TMEM65: variants seen among roughly 807,000 people sequenced by gnomAD.
TMEM65 encodes the protein transmembrane protein 65.
A neutral mutation model predicts 25.4 loss-of-function variants in TMEM65; 22 were observed. The ratio of observed to expected loss-of-function variants is 0.86; its 90% CI spans 0.62 to 1.23. The LOEUF (loss-of-function observed/expected upper bound fraction) is 1.23, where lower values mean the gene tolerates loss of function less well. Ranked by LOEUF, TMEM65 falls within the 50% of genes most tolerant of loss-of-function variation. The pLI is 0.00. For synonymous variants in TMEM65, 132 were observed against 126.2 expected (o/e 1.05, Z -0.31); for missense variants, 262 against 308.2 (o/e 0.85, Z 1.12).
At chr8:124,355,358 C>T (rs1264734347) in intron 1 of TMEM65, among the ~76,000 whole-genome samples, 1 of 152,110 alleles carries the variant, frequency 6.6e-6, no homozygotes, top group Non-Finnish European at 1.5e-5. Flanking sequence ...ATCACATTTG[C>T]CTATTTTCTT....
chr8:124,359,794 A>C (rs1814836857), intron 1 of TMEM65, among the ~76,000 whole-genome samples: 1 of 152,148 alleles, frequency 6.6e-6, no homozygotes, highest in South Asian at 2.1e-4. Flanking sequence ...TTAAACAACT[A>C]ATTGATAACG....
At chr8:124,371,708 C>G (rs1235385828) in intron 1 of TMEM65, 146 bp downstream of exon 1, 75 of 788,266 alleles carry the variant, frequency 9.5e-5, no homozygotes, top group Non-Finnish European at 1.3e-4. Context: ...CCAGCCGTCC[C>G]AGGCGTGGGG....
intron 1 of TMEM65, among the ~76,000 whole-genome samples, chr8:124,338,161 T>C (rs1814535089): frequency 1.3e-5 from 2 of 152,196 alleles, no homozygotes; most frequent in African/African-American, 2.4e-5. Flanking sequence ...CCACAAAGCA[T>C]TAAATAATGA....
rs1184761916 is a variant in TMEM65 at position 124,308,130 on chromosome 8, C to T, written c.*5830G>A. The T allele has an allele frequency of 3.3e-5, 5 of 152,160 alleles. No homozygotes were observed. Among genetic ancestry groups the T allele is most frequent in the Admixed American group, 6.5e-5 (1 of 15,282 alleles). The allele number at this position is 152,160 out of a possible 1,614,324, so 9.4% of individuals were successfully genotyped here. ...CCCTTTTTCTGGATTGGCTCCATTG[C>T]TGTTTTGTCTTTGAAGTCAGGAAGT... On this transcript the variant is annotated 3_prime_UTR_variant, in exon 7 of 7. Transcript: ENST00000297632.
Position 124,324,753 on chromosome 8 carries a change from A to G in TMEM65, c.418-1378T>C, listed in dbSNP as rs1425210605. Among the ~76,000 whole-genome samples, 10 of 152,214 alleles carry G rather than the reference A, an allele frequency of 6.6e-5. No homozygotes were observed. The South Asian group carries it at 1.0e-3, about 16-fold the overall frequency. On this transcript the variant is annotated intron_variant, in intron 3 of 6. Transcript: ENST00000297632. ...CTTCTAACAGCAGGAAAAGCCCCAT[A>G]TAAAGTCAAAGATGGTTTGGGGGCA...
At chr8:124,367,878 C>T (rs964386010) in intron 1 of TMEM65, among the ~76,000 whole-genome samples, 1 of 152,182 alleles carries the variant, frequency 6.6e-6, no homozygotes, top group Non-Finnish European at 1.5e-5. Context: ...CTAATTGAGA[C>T]CTAACATTGA....
At chr8:124,323,272 T>C in intron 4 of TMEM65, 49 bp downstream of exon 4, 1 of 1,038,668 alleles carries the variant, frequency 9.6e-7, no homozygotes, top group Non-Finnish European at 1.4e-6. Flanking sequence ...TCTACTGAAA[T>C]GTTTTATAAG....
In TMEM65 at chr8:124,320,272, C is replaced by A. The variant is rs746507887; in HGVS notation, c.516-81G>T. 5.1e-4 allele frequency: 538 copies of A among 1,059,674 alleles called. 1 individual carries two copies. Among genetic ancestry groups the A allele is most frequent in the Non-Finnish European group, 7.0e-4 (511 of 728,378 alleles). 65.6% of individuals were successfully genotyped at this position (1,059,674 alleles called of 1,614,324 possible). A position where few individuals can be genotyped will look rare whatever the true frequency, so the allele number is the denominator to read the frequency against. On this transcript the variant is annotated intron_variant, in intron 5 of 6. Coordinates refer to ENST00000297632, the MANE Select transcript of TMEM65 (RefSeq NM_194291.3). ...AAAAGCAAACAAAACAAAACAAAGA[C>A]ATGAGGACAAAATATAGGTTTTTAA...
At position 124,320,182 on chromosome 8, in the gene TMEM65, G is replaced by C; in HGVS notation, c.525C>G (p.Gly175=). The change falls in exon 6 of 7, where the codon GGC becomes GGG. Residue 175 remains glycine, a synonymous_variant. Coordinates refer to ENST00000297632, the MANE Select transcript of TMEM65 (RefSeq NM_194291.3). ...ACCTGGAAGCCAATGCTTCAACGTA[G>C]CCTGCAAGTCTTTGAAGAAACAAGA... ...VSDLAGLGLA[G]YVEALASRLG... 6.2e-7 allele frequency: 1 copy of C among 1,611,962 alleles called. No individual in the cohort carries two copies. Among genetic ancestry groups the C allele is most frequent in the Non-Finnish European group, 8.5e-7 (1 of 1,178,610 alleles).
intron 1 of TMEM65, among the ~76,000 whole-genome samples, chr8:124,353,166 C>G (rs182721228): frequency 8.6e-4 from 130 of 152,016 alleles, no homozygotes; most frequent in African/African-American, 3.0e-3. Context: ...TTGAGACAGG[C>G]TTCCACACAC....
chr8:124,308,824 G>C lies in TMEM65; in HGVS notation c.*5136C>G, dbSNP rs189513623. 1 of 152,130 alleles carries C rather than the reference G, an allele frequency of 6.6e-6. No individual in the cohort carries two copies. The highest frequency in any genetic ancestry group is 6.5e-5 in the Admixed American group (1 of 15,274). The allele number at this position is 152,130 out of a possible 1,614,324, so 9.4% of individuals were successfully genotyped here. ...ACAACATGAACCCTTCTATCACACA[G>C]GCACTAAAACTAAAGCAAATGGTGG... is the stretch of plus-strand genomic sequence containing the variant. On this transcript the variant is annotated 3_prime_UTR_variant, in exon 7 of 7. Coordinates refer to ENST00000297632, the MANE Select transcript of TMEM65 (RefSeq NM_194291.3).
intron 1 of TMEM65, among the ~76,000 whole-genome samples, chr8:124,367,679 G>A (rs549788579): frequency 9.2e-5 from 14 of 152,100 alleles, no homozygotes; most frequent in South Asian, 2.1e-4. Context: ...TTTTGTCAAC[G>A]TCCTCTTATA....
At chr8:124,318,385 TTTTTTTTG>T in intron 6 of TMEM65, among the ~76,000 whole-genome samples, 1 of 134,634 alleles carries the variant, frequency 7.4e-6, no homozygotes, top group African/African-American at 2.8e-5. Flanking sequence ...TTTTTTTTTT[TTTTTTTTG>T]AGATGGAGTC....
In TMEM65 at chr8:124,332,552, T is replaced by C. The variant is rs1814444936; in HGVS notation, c.305-1760A>G. On this transcript the variant is annotated intron_variant, in intron 1 of 6. Coordinates refer to ENST00000297632, the MANE Select transcript of TMEM65 (RefSeq NM_194291.3). Reference sequence around the variant, plus strand: ...AAAAAATCAAATAATGTAATCAATATTCCTTTCTTTCTTTCCTACTACACA... The same window carrying C: ...AAAAAATCAAATAATGTAATCAATACTCCTTTCTTTCTTTCCTACTACACA... Among the ~76,000 whole-genome samples, 4 of 152,254 alleles carry C rather than the reference T, an allele frequency of 2.6e-5. No homozygotes were observed. In the East Asian group the frequency reaches 7.7e-4, roughly 29 times the overall value.
intron 2 of TMEM65, 105 bp downstream of exon 2, chr8:124,330,643 G>T: frequency 1.8e-6 from 2 of 1,137,022 alleles, no homozygotes; most frequent in Non-Finnish European, 2.5e-6. Context: ...CACTCTATCT[G>T]GAAAGATTTA....
In TMEM65 at chr8:124,372,046, G is replaced by C; in HGVS notation, c.112C>G (p.Leu38Val). The C allele has an allele frequency of 8.2e-7, 1 of 1,218,860 alleles. No individual in the cohort carries two copies. 75.5% of individuals were successfully genotyped at this position (1,218,860 alleles called of 1,614,324 possible). Residue 38 changes from leucine to valine, a missense_variant, in exon 1 of 7, where the codon CTG becomes GTG. By Grantham distance (32) the Leu-to-Val change is conservative. Coordinates refer to ENST00000297632, the MANE Select transcript of TMEM65 (RefSeq NM_194291.3). Reference protein sequence around the residue: ...PPSWCCCGRGLLALAPPGGLP... With the variant: ...PPSWCCCGRGVLALAPPGGLP... ...CCGCCGGGGGGCGCGAGCGCCAGCAGCCCCCGCCCGCAGCAGCACCAGGAC... is the reference window on the plus strand; with the variant it reads ...CCGCCGGGGGGCGCGAGCGCCAGCACCCCCCGCCCGCAGCAGCACCAGGAC...
In TMEM65 at chr8:124,372,298, T is replaced by G; in HGVS notation, c.-141A>C. ...AGCCGAGGCGCCGGGCACCATGCAC[T>G]CCGCGGGCCCGCGCGGCTCTCGCCT... is the stretch of plus-strand genomic sequence containing the variant. On this transcript the variant is annotated 5_prime_UTR_variant, in exon 1 of 7. Transcript: ENST00000297632. 8.3e-5 allele frequency: 57 copies of G among 689,598 alleles called. No homozygotes were observed. Among genetic ancestry groups the G allele is most frequent in the South Asian group, 1.3e-4 (3 of 23,074 alleles). The allele number at this position is 689,598 out of a possible 1,614,324, so 42.7% of individuals were successfully genotyped here.
At chr8:124,371,759 G>A (rs567770464) in intron 1 of TMEM65, 95 bp downstream of exon 1, 7 of 1,260,854 alleles carry the variant, frequency 5.6e-6, no homozygotes, top group Non-Finnish European at 7.4e-6. Flanking sequence ...GGCGGCGGGG[G>A]TCCAAGATCC....
chr8:124,307,183 T>A lies in TMEM65; in HGVS notation c.*6777A>T, dbSNP rs999897274. The A allele has an allele frequency of 1.2e-4, 18 of 152,202 alleles. No homozygotes were observed. Among genetic ancestry groups the A allele is most frequent in the African/African-American group, 3.4e-4 (14 of 41,456 alleles). 9.4% of individuals were successfully genotyped at this position (152,202 alleles called of 1,614,324 possible). A position where few individuals can be genotyped will look rare whatever the true frequency, so the allele number is the denominator to read the frequency against. ...CCATGTGATGTTTATCATCTCCACA[T>A]GGGCAGTTCATCTCTCCAGTAAATT... On this transcript the variant is annotated 3_prime_UTR_variant, in exon 7 of 7. Transcript: ENST00000297632.
Sources: allele counts gnomAD v4.1 joint callset (sites outside exome capture counted in the v4.1 genomes callset), GRCh38; gene constraint gnomAD v4.1.1; transcripts MANE v1.5; gene names NCBI Gene and HGNC (gene_info 2026-07-23, HGNC 2026-07-21).